The following CTNND2 variants were observed in gnomAD, a reference collection of about 807,000 sequenced individuals.
CTNND2 encodes catenin delta 2.
A neutral mutation model predicts 144.4 loss-of-function variants in CTNND2; 22 were observed. That is an observed-to-expected ratio of 0.15 (90% CI 0.11 to 0.22). The LOEUF is 0.22. CTNND2 is among the 10% of genes least tolerant of loss of function. The pLI is 1.00. For missense variants in CTNND2, 1,353 were observed against 1,618.8 expected (o/e 0.84, Z 2.82); for synonymous variants, 751 against 695.6 (o/e 1.08, Z -1.25).
chr5:11,472,292 T>C (rs965778102), intron 3 of CTNND2, among the ~76,000 whole-genome samples: 4 of 152,230 alleles, frequency 2.6e-5, no homozygotes, highest in African/African-American at 9.6e-5. Flanking sequence ...AGCCTTGACG[T>C]AGCTTTGTAT....
chr5:11,365,874 G>A (rs1756937524), intron 7 of CTNND2, among the ~76,000 whole-genome samples: 1 of 152,226 alleles, frequency 6.6e-6, no homozygotes, highest in African/African-American at 2.4e-5. Flanking sequence ...GGGGCATCAA[G>A]GAGAGGTGGC....
At chr5:11,459,300 G>A (rs1766000285) in intron 3 of CTNND2, among the ~76,000 whole-genome samples, 1 of 151,898 alleles carries the variant, frequency 6.6e-6, no homozygotes, top group Admixed American at 6.6e-5. Context: ...CAGAGTTCTA[G>A]ATTTTCATTT....
chr5:11,489,178 A>T (rs902784991), intron 3 of CTNND2, among the ~76,000 whole-genome samples: 2 of 152,180 alleles, frequency 1.3e-5, no homozygotes, highest in East Asian at 3.9e-4. Context: ...CATGTATAAG[A>T]ATTCTACTTG....
chr5:11,174,791 C>T (rs771183884), intron 11 of CTNND2, among the ~76,000 whole-genome samples: 3 of 152,128 alleles, frequency 2.0e-5, no homozygotes, highest in South Asian at 2.1e-4. Context: ...TGGCAAAGCA[C>T]GCAGAACGGT....
At chr5:11,677,175 CTG>C (rs1784214738) in intron 2 of CTNND2, among the ~76,000 whole-genome samples, 1 of 152,200 alleles carries the variant, frequency 6.6e-6, no homozygotes, top group African/African-American at 2.4e-5. Context: ...CAATAAATAG[CTG>C]TGTCTCAGCC....
Position 11,534,349 on chromosome 5 carries a change from C to A in CTNND2, c.287+30595G>T, listed in dbSNP as rs116580796. On this transcript the variant is annotated intron_variant, in intron 3 of 21. Coordinates refer to ENST00000304623, the MANE Select transcript of CTNND2 (RefSeq NM_001332.4). ...CTGAGGGTGCGCCAGGTGACAGTGG[C>A]TCACACCTGTAATCCCAGCACTTTG... Among the ~76,000 whole-genome samples, 600 of 152,264 alleles carry A rather than the reference C, an allele frequency of 3.9e-3. 8 individuals carry two copies. The highest frequency in any genetic ancestry group is 0.014 in the African/African-American group (569 of 41,542).
intron 2 of CTNND2, among the ~76,000 whole-genome samples, chr5:11,597,685 C>T (rs1779582898): frequency 6.6e-6 from 1 of 152,016 alleles, no homozygotes; most frequent in South Asian, 2.1e-4. Context: ...GTGATCCTCC[C>T]ACTGTAGCCT....
intron 1 of CTNND2, among the ~76,000 whole-genome samples, chr5:11,895,041 G>A (rs1244437399): frequency 6.6e-6 from 1 of 152,068 alleles, no homozygotes. Context: ...TGAGAGCAGG[G>A]GGAGAAGGTA....
chr5:11,192,291 C>T (rs1299958078), intron 11 of CTNND2, among the ~76,000 whole-genome samples: 7 of 151,988 alleles, frequency 4.6e-5, no homozygotes, highest in Admixed American at 1.3e-4. Context: ...CAAAGCCACA[C>T]AACACCAGGC....
chr5:11,302,373 G>A (rs1238143363), intron 9 of CTNND2, among the ~76,000 whole-genome samples: 14 of 152,000 alleles, frequency 9.2e-5, no homozygotes, highest in South Asian at 2.1e-4. Context: ...AGCTCTTACC[G>A]GGGAGTCCTC....
chr5:11,360,261 GA>G (rs2149763373), intron 8 of CTNND2, among the ~76,000 whole-genome samples: 1 of 152,300 alleles, frequency 6.6e-6, no homozygotes, highest in East Asian at 1.9e-4. Context: ...AGCTAATTGA[GA>G]AATCCTCTTT....
At chr5:11,297,968 A>AAC (rs1749194704) in intron 9 of CTNND2, among the ~76,000 whole-genome samples, 1 of 152,188 alleles carries the variant, frequency 6.6e-6, no homozygotes, top group Non-Finnish European at 1.5e-5. Context: ...AATAGAGTAC[A>AAC]ACAGGGGTGA....
intron 1 of CTNND2, among the ~76,000 whole-genome samples, chr5:11,888,296 C>T (rs1404556238): frequency 6.6e-6 from 1 of 152,146 alleles, no homozygotes; most frequent in East Asian, 1.9e-4. Flanking sequence ...CTAAAAGACC[C>T]AGGAAAGGTA....
chr5:11,731,187 T>G (rs1038811212), intron 2 of CTNND2, among the ~76,000 whole-genome samples: 1 of 152,238 alleles, frequency 6.6e-6, no homozygotes, highest in Non-Finnish European at 1.5e-5. Context: ...CACTTTTGAC[T>G]GATAGCATCA....
At chr5:11,096,113 A>G (rs1751321404) in intron 15 of CTNND2, among the ~76,000 whole-genome samples, 1 of 151,768 alleles carries the variant, frequency 6.6e-6, no homozygotes, top group Admixed American at 6.6e-5. Context: ...TTATTCTGTA[A>G]TCTTATAATC....
At chr5:11,042,946 T>C (rs1183204524) in intron 16 of CTNND2, among the ~76,000 whole-genome samples, 2 of 152,206 alleles carry the variant, frequency 1.3e-5, no homozygotes, top group East Asian at 1.9e-4. Context: ...CTTTCTTAGA[T>C]GCAAGATAGT....
intron 19 of CTNND2, among the ~76,000 whole-genome samples, chr5:10,990,974 A>G (rs1202478582): frequency 2.0e-5 from 3 of 152,204 alleles, no homozygotes; most frequent in African/African-American, 7.2e-5. Context: ...GACACCATCC[A>G]TATGCTTTCC....
At chr5:11,272,730 C>A (rs1463273257) in intron 9 of CTNND2, among the ~76,000 whole-genome samples, 1 of 152,170 alleles carries the variant, frequency 6.6e-6, no homozygotes, top group Non-Finnish European at 1.5e-5. Flanking sequence ...CTCATTTGCA[C>A]TACTTAGACT....
intron 10 of CTNND2, among the ~76,000 whole-genome samples, chr5:11,216,325 G>T (rs909542988): frequency 3.9e-5 from 6 of 152,198 alleles, no homozygotes; most frequent in African/African-American, 1.4e-4. Flanking sequence ...ATGGAATGAA[G>T]GCTGCTAATT....
Sources: allele counts gnomAD v4.1 joint callset (sites outside exome capture counted in the v4.1 genomes callset), GRCh38; gene constraint gnomAD v4.1.1; transcripts MANE v1.5; gene names NCBI Gene and HGNC (gene_info 2026-07-23, HGNC 2026-07-21).